BUB1: variants seen among roughly 807,000 people sequenced by gnomAD.
BUB1 encodes mitotic checkpoint serine/threonine-protein kinase BUB1.
A neutral mutation model predicts 135.2 loss-of-function variants in BUB1; 84 were observed. That is an observed-to-expected ratio of 0.62 (90% CI 0.52 to 0.74). The LOEUF is 0.74. Among genes scored for constraint, BUB1 ranks in the 30% least tolerant of loss-of-function variants. The probability of loss-of-function intolerance (pLI) is 0.00; values close to 1 mark genes in which losing one functional copy is unlikely to be tolerated. For missense variants in BUB1, 1,162 were observed against 1,288.3 expected (o/e 0.90, Z 1.50); for synonymous variants, 403 against 434.4 (o/e 0.93, Z 0.90).
chr2:110,674,019 A>G (rs1690502691), intron 3 of BUB1, 67 bp downstream of exon 3: 5 of 1,267,498 alleles, frequency 3.9e-6, no homozygotes, highest in African/African-American at 1.5e-5. Flanking sequence ...TGATCTTACA[A>G]TCTAAGTTTA....
At chr2:110,656,149 A>AT (rs918096086) in intron 15 of BUB1, among the ~76,000 whole-genome samples, 10 of 152,274 alleles carry the variant, frequency 6.6e-5, no homozygotes, top group African/African-American at 2.4e-4. Context: ...TTATATATAT[A>AT]TTTTTTAATT....
At chr2:110,660,589 G>C (rs1435816467) in intron 10 of BUB1, among the ~76,000 whole-genome samples, 2 of 151,616 alleles carry the variant, frequency 1.3e-5, no homozygotes, top group Admixed American at 1.3e-4. Context: ...TTACAGAAAA[G>C]ACCAGGTACT....
At position 110,641,457 on chromosome 2, in the gene BUB1, A is replaced by G; in HGVS notation, c.2633T>C (p.Ile878Thr). 1 of 1,606,538 alleles carries G rather than the reference A, an allele frequency of 6.2e-7. No individual in the cohort carries two copies. Among genetic ancestry groups the G allele is most frequent in the African/African-American group, 1.3e-5 (1 of 74,602 alleles). Residue 878 changes from isoleucine (I) to threonine (T), a missense_variant, in exon 22 of 25, where the codon ATT becomes ACT. By Grantham distance (89) the Ile-to-Thr change is moderately conservative (BLOSUM62 -1). Transcript: ENST00000302759. Reference protein sequence around the residue: ...LYSYGTLLNAINLYKNTPEKV... With the variant: ...LYSYGTLLNATNLYKNTPEKV... ...TTCAGGGGTATTTTTATAGAGGTTA[A>G]TGGCATTCTAGGAACAATGGAAAGT...
At chr2:110,641,490 T>TTTAATGGCATTCTAGGAACAATG (rs1417806749) in intron 21 of BUB1, 26 bp from the exon 22 acceptor site, 1 of 1,587,822 alleles carries the variant, frequency 6.3e-7, no homozygotes, top group South Asian at 1.2e-5. Flanking sequence ...AGTGGAATCC[T>TTTAATGGCATTCTAGGAACAATG]GAGTTAGTTG....
At chr2:110,654,837 C>A (rs1408422424) in intron 16 of BUB1, among the ~76,000 whole-genome samples, 1 of 152,108 alleles carries the variant, frequency 6.6e-6, no homozygotes, top group Non-Finnish European at 1.5e-5. Flanking sequence ...AAGTGAAATT[C>A]TTTGGCAGCT....
rs1055849044 is a variant in BUB1, at chr2:110,641,577, C to T, written c.2625+65G>A. 13 of 1,564,710 alleles carry T rather than the reference C, an allele frequency of 8.3e-6. No homozygotes were observed. The African/African-American group carries it at 1.1e-4, about 13-fold the overall frequency. ...CACAAAAGCCCCAACCACAAAAGTA[C>T]GTGCAAGGTACAAGCCAAAAATCCA... On this transcript the variant is annotated intron_variant, in intron 21 of 24. Transcript: ENST00000302759.
At position 110,658,427 on chromosome 2, in the gene BUB1, A is replaced by T; in HGVS notation, c.1499T>A (p.Phe500Tyr). The T allele has an allele frequency of 6.2e-7, 1 of 1,613,336 alleles. No individual in the cohort carries two copies. The highest frequency in any genetic ancestry group is 8.5e-7 in the Non-Finnish European group (1 of 1,179,574). Residue 500 changes from phenylalanine to tyrosine, a missense_variant, in exon 13 of 25, where the codon TTT becomes TAT. By Grantham distance (22) the Phe-to-Tyr change is conservative (BLOSUM62 3). Transcript: ENST00000302759. ...GTTATTACTTTGAAACTGGGCTTCA[A>T]ATGCATCTTCATTTTGATCTAGAGA... Reference protein sequence around the residue: ...WQSLDQNEDAFEAQFQKNVRS... With the variant: ...WQSLDQNEDAYEAQFQKNVRS...
At chr2:110,659,420 T>C (rs1419414376) in intron 11 of BUB1, among the ~76,000 whole-genome samples, 2 of 152,106 alleles carry the variant, frequency 1.3e-5, no homozygotes, top group African/African-American at 4.8e-5. Flanking sequence ...CATGACTTCA[T>C]CCCTAACTAT....
At chr2:110,661,431 G>T in intron 10 of BUB1, 151 bp downstream of exon 10, 2 of 902,974 alleles carry the variant, frequency 2.2e-6, no homozygotes, top group Non-Finnish European at 3.2e-6. Flanking sequence ...GCAATGTTTT[G>T]CCACTTGCTT....
chr2:110,663,961 G>A (rs891782449), intron 9 of BUB1, among the ~76,000 whole-genome samples: 16 of 151,096 alleles, frequency 1.1e-4, no homozygotes, highest in African/African-American at 3.2e-4. Flanking sequence ...CCCGGGAGGC[G>A]GAGCTTGCAG....
At chr2:110,674,399 A>C in intron 1 of BUB1, 34 bp from the exon 2 acceptor site, 1 of 1,596,928 alleles carries the variant, frequency 6.3e-7, no homozygotes, top group Non-Finnish European at 8.6e-7. Flanking sequence ...ATGGGATATT[A>C]GGGATAATTT....
Position 110,657,537 on chromosome 2 carries a change from T to A in BUB1, c.1616+9A>T. 6.3e-7 allele frequency: 1 copy of A among 1,586,216 alleles called. No individual in the cohort carries two copies. The highest frequency in any genetic ancestry group is 8.6e-7 in the Non-Finnish European group (1 of 1,163,446). Reference sequence around the variant, plus strand: ...GCAGCATCCCATTAACTAGATGGTATTTTTTTACCCATAATTTTCTTTGTT... The same window carrying A: ...GCAGCATCCCATTAACTAGATGGTAATTTTTTACCCATAATTTTCTTTGTT... On this transcript the variant is annotated intron_variant, in intron 14 of 24. Transcript: ENST00000302759.
chr2:110,673,519 T>C (rs1296266317), intron 3 of BUB1, among the ~76,000 whole-genome samples: 4 of 151,996 alleles, frequency 2.6e-5, no homozygotes, highest in African/African-American at 4.8e-5. Flanking sequence ...AGTGCTGGAA[T>C]TGAATTGGAG....
Position 110,641,309 on chromosome 2 carries a change from G to A in BUB1, c.2781C>T (p.Asn927=), listed in dbSNP as rs546139108. 2.0e-4 allele frequency: 318 copies of A among 1,604,922 alleles called. 1 individual carries two copies. The highest frequency in any genetic ancestry group is 2.0e-3 in the South Asian group (175 of 89,342). The stretch of plus-strand genomic sequence containing the variant: ...CCTGTTAAAAGCATAACACTTGCCC[G>A]TTTCCAAGTATGAAATTGTCTGGTT... ...DIKPDNFILG[N]GFLEQDDEDD... The change falls in exon 22 of 25, where the codon AAC becomes AAT. Residue 927 remains asparagine (N), a splice_region_variant and synonymous_variant. Transcript: ENST00000302759.
chr2:110,645,268 C>CA (rs959839157), intron 19 of BUB1, among the ~76,000 whole-genome samples: 13 of 150,842 alleles, frequency 8.6e-5, no homozygotes, highest in African/African-American at 2.4e-4. Context: ...ACCCTGTCTC[C>CA]AAAAAAAATA....
rs371758250 is a variant in BUB1, at chr2:110,641,536, C to T, written c.2626-72G>A. 1.4e-5 allele frequency: 22 copies of T among 1,554,702 alleles called. No homozygotes were observed. The African/African-American group carries it at 2.3e-4, about 16-fold the overall frequency. On this transcript the variant is annotated intron_variant, in intron 21 of 24. Transcript: ENST00000302759. ...ATAAAATTTCAAATTGAGAGCTTTGCCCCTGCCCACCACTCCACAAAAGCC... is the reference window on the plus strand; with the variant it reads ...ATAAAATTTCAAATTGAGAGCTTTGTCCCTGCCCACCACTCCACAAAAGCC...
intron 23 of BUB1, 53 bp from the exon 24 acceptor site, chr2:110,639,901 A>C (rs768338575): frequency 7.2e-7 from 1 of 1,380,678 alleles, no homozygotes; most frequent in Non-Finnish European, 1.0e-6. Flanking sequence ...ACACATGACT[A>C]TATCAAGATG....
At chr2:110,674,799 CT>C in intron 1 of BUB1, 1 of 216,100 alleles carries the variant, frequency 4.6e-6, no homozygotes, top group Non-Finnish European at 9.2e-6. Context: ...GACCTCTGCC[CT>C]TCCAGTGGGA....
chr2:110,657,221 T>A (rs1689957375), intron 14 of BUB1, 104 bp from the exon 15 acceptor site: 10 of 872,432 alleles, frequency 1.1e-5, no homozygotes, highest in Middle Eastern at 2.6e-4. Flanking sequence ...TTTAATGAGT[T>A]AATCTTTATA....
Sources: allele counts gnomAD v4.1 joint callset (sites outside exome capture counted in the v4.1 genomes callset), GRCh38; gene constraint gnomAD v4.1.1; transcripts MANE v1.5; gene names NCBI Gene and HGNC (gene_info 2026-07-23, HGNC 2026-07-21).